CACNG2: variants seen among roughly 807,000 people sequenced by gnomAD.
CACNG2 encodes the protein calcium voltage-gated channel auxiliary subunit gamma 2, also known as voltage-dependent calcium channel gamma-2 subunit.
CACNG2 carries 3 observed loss-of-function variants against 25.9 expected under a neutral mutation model. The ratio of observed to expected loss-of-function variants is 0.12; its 90% CI spans 0.05 to 0.30. CACNG2 has a LOEUF of 0.30. CACNG2 is among the 10% of genes least tolerant of loss of function. The pLI, the probability that CACNG2 is intolerant of heterozygous loss-of-function variation, is 1.00. For synonymous variants in CACNG2, 167 were observed against 173.3 expected, an observed-to-expected ratio of 0.96 and a Z score of 0.29; for missense variants, 341 against 432.5, an observed-to-expected ratio of 0.79 and a Z score of 1.88.
At chr22:36,681,847 A>C (rs1002440250) in intron 1 of CACNG2, among the ~76,000 whole-genome samples, 2 of 152,198 alleles carry the variant, frequency 1.3e-5, no homozygotes, top group Non-Finnish European at 2.9e-5. Flanking sequence ...TAGATCCCAG[A>C]GGATCCAGCC....
chr22:36,576,592 A>G (rs973554993), intron 2 of CACNG2, among the ~76,000 whole-genome samples: 13 of 149,050 alleles, frequency 8.7e-5, no homozygotes, highest in African/African-American at 1.5e-4. Flanking sequence ...GTGTGTGTGT[A>G]TGTGTGTGTG....
intron 2 of CACNG2, among the ~76,000 whole-genome samples, chr22:36,586,148 G>A (rs1223579582): frequency 3.3e-5 from 5 of 152,136 alleles, no homozygotes; most frequent in African/African-American, 4.8e-5. Context: ...TTTTTCCAAG[G>A]GCCCTCCCTG....
chr22:36,666,168 G>C (rs1433522909), intron 1 of CACNG2, among the ~76,000 whole-genome samples: 1 of 152,208 alleles, frequency 6.6e-6, no homozygotes, highest in Non-Finnish European at 1.5e-5. Flanking sequence ...ACTTTTGGAG[G>C]CTGATGTGGG....
Position 36,703,634 on chromosome 22 carries a change from C to T in CACNG2, c.-1058G>A, listed in dbSNP as rs1294183440. 2.6e-5 allele frequency: 4 copies of T among 152,280 alleles called. No individual in the cohort carries two copies. The highest frequency in any genetic ancestry group is 2.9e-5 in the Non-Finnish European group (2 of 68,152). 9.4% of individuals were successfully genotyped at this position (152,280 alleles called of 1,614,324 possible). ...GGCGCTGGCCAGAGTCCTCCCTCCC[C>T]GGGGCAGCAAGGCCAGCGCAGAGCG... is the stretch of plus-strand genomic sequence containing the variant. On this transcript the variant is annotated 5_prime_UTR_variant, in exon 1 of 4. Coordinates refer to ENST00000300105, the MANE Select transcript of CACNG2 (RefSeq NM_006078.5).
At chr22:36,687,101 G>T (rs1937210904) in intron 1 of CACNG2, among the ~76,000 whole-genome samples, 1 of 152,164 alleles carries the variant, frequency 6.6e-6, no homozygotes, top group South Asian at 2.1e-4. Flanking sequence ...TGATCCATGG[G>T]ATGTGAAGGC....
chr22:36,682,243 G>A (rs915059664), intron 1 of CACNG2, among the ~76,000 whole-genome samples: 8 of 152,172 alleles, frequency 5.3e-5, no homozygotes, highest in East Asian at 1.9e-4. Context: ...TCCCAAACCC[G>A]ACTCCCACCT....
At chr22:36,617,040 T>C (rs939149480) in intron 1 of CACNG2, among the ~76,000 whole-genome samples, 1 of 152,092 alleles carries the variant, frequency 6.6e-6, no homozygotes, top group Non-Finnish European at 1.5e-5. Flanking sequence ...CTCCTGGAGA[T>C]GTGTAACTGG....
intron 1 of CACNG2, among the ~76,000 whole-genome samples, chr22:36,602,307 C>T (rs1458694364): frequency 6.6e-6 from 1 of 152,090 alleles, no homozygotes; most frequent in African/African-American, 2.4e-5. Flanking sequence ...GTTTCCCAAT[C>T]TGTACATTGC....
chr22:36,613,967 C>A (rs1029802080), intron 1 of CACNG2, among the ~76,000 whole-genome samples: 2 of 152,126 alleles, frequency 1.3e-5, no homozygotes, highest in African/African-American at 4.8e-5. Flanking sequence ...ACCAACCGTT[C>A]CCTGCACTCT....
chr22:36,679,180 TCCTTCCTTCCTTCCTTC>T (rs1164542269), intron 1 of CACNG2, among the ~76,000 whole-genome samples: 4 of 131,990 alleles, frequency 3.0e-5, no homozygotes, highest in Non-Finnish European at 6.5e-5. Context: ...CTTCCTTCCT[TCCTTCCTTCCTTCCTTC>T]CTTTCTTTCT....
intron 1 of CACNG2, among the ~76,000 whole-genome samples, chr22:36,632,477 TCTC>T (rs1400994814): frequency 6.6e-6 from 1 of 151,196 alleles, no homozygotes; most frequent in African/African-American, 2.4e-5. Flanking sequence ...CTCCTCTCTC[TCTC>T]TCTCTCTCTC....
intron 2 of CACNG2, among the ~76,000 whole-genome samples, chr22:36,580,117 G>A (rs906227772): frequency 1.3e-5 from 2 of 152,190 alleles, no homozygotes; most frequent in Non-Finnish European, 2.9e-5. Flanking sequence ...TCATGGCAAT[G>A]CTAGGAAGAT....
chr22:36,570,403 C>T (rs148693159), intron 2 of CACNG2, among the ~76,000 whole-genome samples: 9 of 152,296 alleles, frequency 5.9e-5, no homozygotes, highest in African/African-American at 2.2e-4. Flanking sequence ...ACAGAAGCCT[C>T]TTCGGCACAG....
chr22:36,628,898 A>G (rs996386490), intron 1 of CACNG2, among the ~76,000 whole-genome samples: 1 of 152,174 alleles, frequency 6.6e-6, no homozygotes, highest in African/African-American at 2.4e-5. Context: ...TTCAATAAAA[A>G]AGATTTACAG....
chr22:36,619,052 T>C lies in CACNG2; in HGVS notation c.212-31504A>G, dbSNP rs1936068289. Among the ~76,000 whole-genome samples the C allele has an allele frequency of 2.0e-5, 3 of 152,280 alleles. No homozygotes were observed. In the South Asian group the frequency reaches 6.2e-4, roughly 32 times the overall value. ...CTGGCACTTTCCATAAAATAGCTTT[T>C]GAAATTCTCACAGCCAAATTGTGTG... On this transcript the variant is annotated intron_variant, in intron 1 of 3. Coordinates refer to ENST00000300105, the MANE Select transcript of CACNG2 (RefSeq NM_006078.5).
At chr22:36,701,371 T>G (rs1485262713) in intron 1 of CACNG2, among the ~76,000 whole-genome samples, 1 of 152,132 alleles carries the variant, frequency 6.6e-6, no homozygotes, top group African/African-American at 2.4e-5. Context: ...TTTTCTGTGC[T>G]TATTAATGTG....
chr22:36,623,840 C>T (rs1936144035), intron 1 of CACNG2, among the ~76,000 whole-genome samples: 2 of 152,172 alleles, frequency 1.3e-5, no homozygotes, highest in Non-Finnish European at 2.9e-5. Flanking sequence ...GTCCTCTTGT[C>T]ATCCCAATTA....
intron 1 of CACNG2, among the ~76,000 whole-genome samples, chr22:36,660,152 C>T (rs1601441570): frequency 6.6e-6 from 1 of 152,278 alleles, no homozygotes; most frequent in South Asian, 2.1e-4. Context: ...CATTGTCCCT[C>T]ACTAGGCCGT....
chr22:36,689,257 G>A (rs945963686), intron 1 of CACNG2, among the ~76,000 whole-genome samples: 1 of 152,138 alleles, frequency 6.6e-6, no homozygotes. Context: ...AGCACCTACT[G>A]TGTGCCAGGC....
Sources: allele counts gnomAD v4.1 joint callset (sites outside exome capture counted in the v4.1 genomes callset), GRCh38; gene constraint gnomAD v4.1.1; transcripts MANE v1.5; gene names NCBI Gene and HGNC (gene_info 2026-07-23, HGNC 2026-07-21).